SLC1A1: variants seen among roughly 807,000 people sequenced by gnomAD.
SLC1A1 encodes solute carrier family 1 member 1.
Under a neutral mutation model 53.3 loss-of-function variants are expected in SLC1A1, and 43 were observed. The ratio of observed to expected loss-of-function variants is 0.81; its 90% CI spans 0.63 to 1.04. SLC1A1 has a LOEUF of 1.04. SLC1A1 is among the 50% of genes least tolerant of loss of function. The pLI is 0.00. For synonymous variants in SLC1A1, 307 were observed against 243.2 expected, an observed-to-expected ratio of 1.26 and a Z score of -2.44; for missense variants, 748 against 664.9, an observed-to-expected ratio of 1.12 and a Z score of -1.37.
intron 1 of SLC1A1, among the ~76,000 whole-genome samples, chr9:4,501,528 G>A (rs1190172831): frequency 6.6e-6 from 1 of 151,644 alleles, no homozygotes; most frequent in Non-Finnish European, 1.5e-5. Context: ...ACTTTGGGAG[G>A]CCGAGGTGGG....
intron 5 of SLC1A1, among the ~76,000 whole-genome samples, chr9:4,566,600 C>G (rs1286553403): frequency 6.6e-6 from 1 of 152,142 alleles, no homozygotes; most frequent in African/African-American, 2.4e-5. Flanking sequence ...GTAATCCCAG[C>G]ACTTTGGGAG....
chr9:4,584,704 C>G lies in SLC1A1; in HGVS notation c.1329-608C>G, dbSNP rs752932470. 6.6e-5 allele frequency among the ~76,000 whole-genome samples: 10 copies of G among 152,326 alleles called. No individual in the cohort carries two copies. In the Middle Eastern group the frequency reaches 0.01, roughly 155 times the overall value. The stretch of plus-strand genomic sequence containing the variant: ...CTGCCACCAGTCTCTTCCCCAGGCT[C>G]TCTGGAAATTAAGACTGGATGAGGG... On this transcript the variant is annotated intron_variant, in intron 11 of 11. Coordinates refer to ENST00000262352, the MANE Select transcript of SLC1A1 (RefSeq NM_004170.6).
intron 1 of SLC1A1, among the ~76,000 whole-genome samples, chr9:4,498,808 AT>A (rs957525299): frequency 1.4e-5 from 2 of 142,820 alleles, no homozygotes; most frequent in African/African-American, 2.5e-5. Context: ...CTGCAAAAAA[AT>A]ATATATATAT....
intron 1 of SLC1A1, among the ~76,000 whole-genome samples, chr9:4,495,942 G>A (rs1226531371): frequency 5.9e-5 from 9 of 152,132 alleles, no homozygotes; most frequent in Admixed American, 2.6e-4. Context: ...TTGAGTTTGA[G>A]GAGCCAGAAG....
At chr9:4,523,167 C>T (rs1222700211) in intron 1 of SLC1A1, among the ~76,000 whole-genome samples, 2 of 152,184 alleles carry the variant, frequency 1.3e-5, no homozygotes, top group African/African-American at 4.8e-5. Context: ...TGCTGAGTTG[C>T]ATCTATGATT....
intron 1 of SLC1A1, among the ~76,000 whole-genome samples, chr9:4,541,829 T>C (rs1414663817): frequency 1.3e-5 from 2 of 152,230 alleles, no homozygotes; most frequent in African/African-American, 2.4e-5. Context: ...AGGGCAGTTA[T>C]TCCTAGCAGC....
intron 1 of SLC1A1, among the ~76,000 whole-genome samples, chr9:4,533,733 C>T (rs1215471739): frequency 6.6e-6 from 1 of 152,148 alleles, no homozygotes; most frequent in Admixed American, 6.5e-5. Context: ...ATCTACAGAA[C>T]TCTCCTCCCC....
At chr9:4,554,460 A>AAGC (rs1460831286) in intron 2 of SLC1A1, 1 of 152,288 alleles carries the variant, frequency 6.6e-6, no homozygotes, top group African/African-American at 2.4e-5. Flanking sequence ...ACAGGATGCC[A>AAGC]AGCAAGGAAA....
At chr9:4,541,834 AGCAGCCTTTG>A (rs1359381657) in intron 1 of SLC1A1, among the ~76,000 whole-genome samples, 1 of 152,198 alleles carries the variant, frequency 6.6e-6, no homozygotes, top group Non-Finnish European at 1.5e-5. Context: ...AGTTATTCCT[AGCAGCCTTTG>A]GCTTTGGGAA....
chr9:4,527,071 G>T (rs1488093645), intron 1 of SLC1A1, among the ~76,000 whole-genome samples: 1 of 152,180 alleles, frequency 6.6e-6, no homozygotes, highest in South Asian at 2.1e-4. Context: ...TGACTCTGAA[G>T]AGGGAAGCCA....
rs139321307 is a variant in SLC1A1, at chr9:4,542,550, C to A, written c.92-2017C>A. On this transcript the variant is annotated intron_variant, in intron 1 of 11. Transcript: ENST00000262352. The stretch of plus-strand genomic sequence containing the variant: ...TCCTTGTGTGGCTAGTGTTTGAGTA[C>A]AGACACATCTTTATTTTTTACATAC... Among the ~76,000 whole-genome samples the A allele has an allele frequency of 2.2e-3, 330 of 152,294 alleles. 1 individual carries two copies. The highest frequency in any genetic ancestry group is 7.7e-3 in the African/African-American group (318 of 41,562).
intron 1 of SLC1A1, among the ~76,000 whole-genome samples, chr9:4,505,445 A>G (rs1820773355): frequency 1.3e-5 from 2 of 152,170 alleles, no homozygotes; most frequent in African/African-American, 4.8e-5. Flanking sequence ...ATAAGTTACC[A>G]GTATAATGTT....
Position 4,580,170 on chromosome 9 carries a change from G to A in SLC1A1, c.1194-2868G>A, listed in dbSNP as rs147556058. On this transcript the variant is annotated intron_variant, in intron 10 of 11. Coordinates refer to ENST00000262352, the MANE Select transcript of SLC1A1 (RefSeq NM_004170.6). The stretch of plus-strand genomic sequence containing the variant: ...TGCTTGAGCCCAGGAGGCAGAGGTT[G>A]CAGTGAACTGAGATGGCGCCACTGC... Among the ~76,000 whole-genome samples the A allele has an allele frequency of 6.5e-3, 994 of 151,938 alleles. 7 individuals carry two copies. Among genetic ancestry groups the A allele is most frequent in the Non-Finnish European group, 0.011 (745 of 67,962 alleles).
chr9:4,547,233 G>A (rs1311454119), intron 2 of SLC1A1, among the ~76,000 whole-genome samples: 1 of 152,136 alleles, frequency 6.6e-6, no homozygotes, highest in African/African-American at 2.4e-5. Flanking sequence ...TTGTGTGTTA[G>A]CTCAGCCTTG....
intron 1 of SLC1A1, among the ~76,000 whole-genome samples, chr9:4,520,163 T>C (rs1334618626): frequency 2.0e-5 from 3 of 152,196 alleles, no homozygotes; most frequent in Non-Finnish European, 4.4e-5. Flanking sequence ...CTGGCTTCAT[T>C]TGGGTTTTCA....
At chr9:4,563,167 C>T (rs1429624126) in intron 3 of SLC1A1, among the ~76,000 whole-genome samples, 1 of 147,916 alleles carries the variant, frequency 6.8e-6, no homozygotes, top group Non-Finnish European at 1.5e-5. Flanking sequence ...AAGAAGAATG[C>T]CCAGAGGGGG....
intron 2 of SLC1A1, among the ~76,000 whole-genome samples, chr9:4,545,521 A>G (rs1438176564): frequency 6.6e-6 from 1 of 152,222 alleles, no homozygotes; most frequent in African/African-American, 2.4e-5. Context: ...TTATTTCCCA[A>G]CTGCAGCTGT....
In SLC1A1 at chr9:4,549,336, C is replaced by G. The variant is rs575945867; in HGVS notation, c.232+4629C>G. On this transcript the variant is annotated intron_variant, in intron 2 of 11. Coordinates refer to ENST00000262352, the MANE Select transcript of SLC1A1 (RefSeq NM_004170.6). This position sits in a 1 kb window ranked among gnomAD's most constrained non-coding sequence, Gnocchi z 4.1. ...CCCCGGTGACCTAAGGAGTTCCGCT[C>G]TTTGCTCCTCCATCCTAAGACAGGA... 1.4e-4 allele frequency among the ~76,000 whole-genome samples: 21 copies of G among 152,246 alleles called. No homozygotes were observed. Among genetic ancestry groups the G allele is most frequent in the Admixed American group, 1.3e-3 (20 of 15,304 alleles).
chr9:4,556,604 T>C lies in SLC1A1; in HGVS notation c.233-4845T>C, dbSNP rs1408743389. 1.3e-5 allele frequency among the ~76,000 whole-genome samples: 2 copies of C among 152,014 alleles called. No individual in the cohort carries two copies. Among genetic ancestry groups the C allele is most frequent in the African/African-American group, 4.8e-5 (2 of 41,394 alleles). ...TAAAAACTCAGAACTAAAGGGCAAA[T>C]GAGGTTTTACTTGTTTGGGACTAAG... is the stretch of plus-strand genomic sequence containing the variant. On this transcript the variant is annotated intron_variant, in intron 2 of 11. Coordinates refer to ENST00000262352, the MANE Select transcript of SLC1A1 (RefSeq NM_004170.6). This position sits in a 1 kb window ranked among gnomAD's most constrained non-coding sequence, Gnocchi z 4.1.
Sources: allele counts gnomAD v4.1 joint callset (sites outside exome capture counted in the v4.1 genomes callset), GRCh38; gene constraint gnomAD v4.1.1; non-coding constraint Gnocchi (gnomAD v3.1); transcripts MANE v1.5; gene names NCBI Gene and HGNC (gene_info 2026-07-23, HGNC 2026-07-21).